LPP: variants seen among roughly 807,000 people sequenced by gnomAD.
LPP encodes LIM domain containing preferred translocation partner in lipoma.
Under a neutral mutation model 60.4 loss-of-function variants are expected in LPP, and 38 were observed. That is an observed-to-expected ratio of 0.63 (90% CI 0.49 to 0.83). The LOEUF is 0.83. Ranked by LOEUF, LPP falls within the 40% of genes least tolerant of loss-of-function variation. LPP has a pLI of 0.00. For missense variants in LPP, 902 were observed against 783.6 expected, an observed-to-expected ratio of 1.15 and a Z score of -1.80; for synonymous variants, 328 against 290.8, an observed-to-expected ratio of 1.13 and a Z score of -1.30.
At position 188,755,985 on chromosome 3, in the gene LPP, T is replaced by C. The variant is rs116920698; in HGVS notation, c.1241-4128T>C. On this transcript the variant is annotated intron_variant, in intron 8 of 11. Coordinates refer to ENST00000617246, the MANE Select transcript of LPP (RefSeq NM_001375462.1). ...AAATGACTTGTTAAAATTCTAACTCTTCAGATTAGCTCCATTATTAAGACT... is the reference window on the plus strand; with the variant it reads ...AAATGACTTGTTAAAATTCTAACTCCTCAGATTAGCTCCATTATTAAGACT... 1.5e-3 allele frequency among the ~76,000 whole-genome samples: 236 copies of C among 152,258 alleles called. 3 individuals are homozygous for C. The East Asian group carries it at 0.043, about 28-fold the overall frequency.
intron 2 of LPP, among the ~76,000 whole-genome samples, chr3:188,244,623 A>G (rs1726210761): frequency 6.6e-6 from 1 of 152,202 alleles, no homozygotes; most frequent in South Asian, 2.1e-4. Context: ...CTTCTCTATT[A>G]GACGCTTTAT....
chr3:188,486,587 A>T (rs1422469261), intron 5 of LPP, among the ~76,000 whole-genome samples: 3 of 152,192 alleles, frequency 2.0e-5, no homozygotes, highest in African/African-American at 7.2e-5. Context: ...GTGTATTTTC[A>T]TATAGTAGAT....
At chr3:188,669,746 C>T (rs535623657) in intron 7 of LPP, among the ~76,000 whole-genome samples, 13 of 152,220 alleles carry the variant, frequency 8.5e-5, no homozygotes, top group Admixed American at 2.6e-4. Context: ...CCAGCCATCC[C>T]ATTACTGGGT....
At chr3:188,452,881 ATC>A (rs1322618522) in intron 4 of LPP, among the ~76,000 whole-genome samples, 1 of 151,892 alleles carries the variant, frequency 6.6e-6, no homozygotes, top group Non-Finnish European at 1.5e-5. Flanking sequence ...AATCTTTTAT[ATC>A]TCTTTCTCGT....
At chr3:188,157,114 T>C (rs1716736902) in intron 1 of LPP, among the ~76,000 whole-genome samples, 1 of 152,216 alleles carries the variant, frequency 6.6e-6, no homozygotes, top group Admixed American at 6.5e-5. Flanking sequence ...GCACATCTTA[T>C]AGTTGATGGC....
intron 2 of LPP, among the ~76,000 whole-genome samples, chr3:188,256,378 A>T (rs905926329): frequency 6.6e-6 from 1 of 152,202 alleles, no homozygotes; most frequent in African/African-American, 2.4e-5. Flanking sequence ...CATTTATAAA[A>T]ATATAAATTG....
chr3:188,372,961 G>A (rs1773740923), intron 3 of LPP, among the ~76,000 whole-genome samples: 1 of 151,840 alleles, frequency 6.6e-6, no homozygotes, highest in African/African-American at 2.4e-5. Context: ...TGCGGTGTTT[G>A]GTTTTTTGTC....
At chr3:188,478,749 T>G (rs1188124313) in intron 4 of LPP, among the ~76,000 whole-genome samples, 14 of 152,142 alleles carry the variant, frequency 9.2e-5, no homozygotes, top group Non-Finnish European at 1.8e-4. Flanking sequence ...TATAGTTTTT[T>G]GTTTTTTTGT....
intron 2 of LPP, among the ~76,000 whole-genome samples, chr3:188,229,144 A>G (rs1483172840): frequency 6.6e-6 from 1 of 152,172 alleles, no homozygotes; most frequent in Non-Finnish European, 1.5e-5. Context: ...ATTATGTATT[A>G]TTATTTTTCA....
intron 10 of LPP, among the ~76,000 whole-genome samples, chr3:188,868,222 C>T (rs924967381): frequency 6.6e-6 from 1 of 152,324 alleles, no homozygotes; most frequent in East Asian, 1.9e-4. Context: ...CCAAGAAAGA[C>T]TGATACTTAT....
At chr3:188,760,409 G>GGCGTGTGTGTGT (rs1553836222) in intron 9 of LPP, 127 bp downstream of exon 9, 2 of 602,710 alleles carry the variant, frequency 3.3e-6, no homozygotes, top group Non-Finnish European at 5.9e-6. Flanking sequence ...GTGTGTGTGG[G>GGCGTGTGTGTGT]GTGTGTGTGT....
chr3:188,722,874 G>C (rs1365083452), intron 8 of LPP, among the ~76,000 whole-genome samples: 1 of 152,162 alleles, frequency 6.6e-6, no homozygotes, highest in Non-Finnish European at 1.5e-5. Context: ...CATCTGGTTT[G>C]ATTTGTGTCA....
In LPP at chr3:188,761,038, AC is replaced by A. The variant is rs562447083; in HGVS notation, c.1410+757del. On this transcript the variant is annotated intron_variant, in intron 9 of 11. Transcript: ENST00000617246. ...AGAGTAATTTGATGAATGAACACAG[AC>A]TTTTTTCATCTATTGTAAATTTCTT... Among the ~76,000 whole-genome samples the A allele has an allele frequency of 4.2e-3, 639 of 152,290 alleles. 4 individuals are homozygous for A. The highest frequency in any genetic ancestry group is 0.014 in the African/African-American group (599 of 41,572).
intron 1 of LPP, among the ~76,000 whole-genome samples, chr3:188,175,332 G>A (rs917616146): frequency 7.9e-5 from 12 of 151,988 alleles, no homozygotes; most frequent in Non-Finnish European, 1.5e-4. Flanking sequence ...CAAGTGAGCC[G>A]CCTGCTTGGC....
intron 7 of LPP, among the ~76,000 whole-genome samples, chr3:188,617,125 T>C (rs1844995627): frequency 6.6e-6 from 1 of 152,176 alleles, no homozygotes. Flanking sequence ...GTGATACAAC[T>C]TTAAAGGAAA....
chr3:188,625,821 A>G (rs533543072), intron 7 of LPP, among the ~76,000 whole-genome samples: 2 of 152,324 alleles, frequency 1.3e-5, no homozygotes, highest in Non-Finnish European at 2.9e-5. Context: ...ATAAGGTTGC[A>G]CATATTTCAG....
intron 4 of LPP, among the ~76,000 whole-genome samples, chr3:188,411,973 G>GTCTCTCTCTC (rs56025983): frequency 6.7e-6 from 1 of 149,748 alleles, no homozygotes; most frequent in African/African-American, 2.4e-5. Flanking sequence ...CTCTTTCTCT[G>GTCTCTCTCTC]TCTCTCTCTC....
chr3:188,663,689 G>A (rs183948292), intron 7 of LPP, among the ~76,000 whole-genome samples: 34 of 152,276 alleles, frequency 2.2e-4, no homozygotes, highest in Admixed American at 9.2e-4. Flanking sequence ...ACCTTGTAAC[G>A]CAGTGGTCTC....
chr3:188,639,859 C>G lies in LPP; in HGVS notation c.1113+30015C>G, dbSNP rs1236119822. On this transcript the variant is annotated intron_variant, in intron 7 of 11. Coordinates refer to ENST00000617246, the MANE Select transcript of LPP (RefSeq NM_001375462.1). ...GTTGGAATGGCAATCATTAAAAAGT[C>G]AGGAAACTACAGGTGCTGGAGAGGA... is the stretch of plus-strand genomic sequence containing the variant. Among the ~76,000 whole-genome samples, 5 of 152,266 alleles carry G rather than the reference C, an allele frequency of 3.3e-5. No homozygotes were observed. The East Asian group carries it at 9.7e-4, about 29-fold the overall frequency.
Sources: allele counts gnomAD v4.1 joint callset (sites outside exome capture counted in the v4.1 genomes callset), GRCh38; gene constraint gnomAD v4.1.1; transcripts MANE v1.5; gene names NCBI Gene and HGNC (gene_info 2026-07-23, HGNC 2026-07-21).